Variants in CDH12 observed in about 807,000 individuals in gnomAD.
The protein encoded by CDH12 is cadherin-12.
Under a neutral mutation model 74.1 loss-of-function variants are expected in CDH12, and 41 were observed. The ratio of observed to expected loss-of-function variants is 0.55; its 90% CI spans 0.43 to 0.72. CDH12 has a LOEUF of 0.72. Among genes scored for constraint, CDH12 ranks in the 30% least tolerant of loss-of-function variants. The probability of loss-of-function intolerance (pLI) is 0.00; values close to 1 mark genes in which losing one functional copy is unlikely to be tolerated. For missense variants in CDH12, 945 were observed against 977.2 expected, an observed-to-expected ratio of 0.97 and a Z score of 0.44; for synonymous variants, 399 against 355.0, an observed-to-expected ratio of 1.12 and a Z score of -1.39.
intron 1 of CDH12, among the ~76,000 whole-genome samples, chr5:22,535,717 T>C (rs1290146382): frequency 6.6e-6 from 1 of 152,170 alleles, no homozygotes; most frequent in Admixed American, 6.5e-5. Context: ...AAATATAAAA[T>C]GGGATGTCCC....
chr5:22,331,569 C>G (rs190355998), intron 3 of CDH12, among the ~76,000 whole-genome samples: 31 of 152,258 alleles, frequency 2.0e-4, no homozygotes, highest in East Asian at 7.7e-4. Context: ...AGGACAGGCA[C>G]AAATAAGCCC....
At chr5:22,027,006 T>C (rs1194774525) in intron 5 of CDH12, among the ~76,000 whole-genome samples, 1 of 152,204 alleles carries the variant, frequency 6.6e-6, no homozygotes, top group Non-Finnish European at 1.5e-5. Context: ...CCTAATTTAT[T>C]GAGAGTTTTT....
At chr5:22,708,877 A>G (rs939492768) in intron 1 of CDH12, among the ~76,000 whole-genome samples, 2 of 152,274 alleles carry the variant, frequency 1.3e-5, no homozygotes, top group East Asian at 1.9e-4. Flanking sequence ...TGAAGCATCC[A>G]TGAGCGGGAA....
intron 1 of CDH12, among the ~76,000 whole-genome samples, chr5:22,633,108 A>T (rs1489608564): frequency 1.3e-5 from 2 of 152,182 alleles, no homozygotes; most frequent in East Asian, 3.8e-4. Context: ...AGTAAAATGA[A>T]CCTTTCAAAA....
At chr5:22,634,962 A>G (rs1437378182) in intron 1 of CDH12, among the ~76,000 whole-genome samples, 2 of 147,864 alleles carry the variant, frequency 1.4e-5, no homozygotes, top group East Asian at 4.2e-4. Context: ...AATCTCTACC[A>G]AAATCACAGT....
intron 3 of CDH12, among the ~76,000 whole-genome samples, chr5:22,349,802 T>TC (rs1348683149): frequency 6.6e-6 from 1 of 152,214 alleles, no homozygotes; most frequent in African/African-American, 2.4e-5. Context: ...TGGCGCAATC[T>TC]CGGCTCACTG....
intron 1 of CDH12, among the ~76,000 whole-genome samples, chr5:22,533,512 C>T (rs373884427): frequency 1.3e-5 from 2 of 152,180 alleles, no homozygotes; most frequent in Admixed American, 6.5e-5. Flanking sequence ...TTAAATCTAT[C>T]AGGAACCTCA....
At chr5:22,252,197 C>T (rs1753160278) in intron 3 of CDH12, among the ~76,000 whole-genome samples, 1 of 151,756 alleles carries the variant, frequency 6.6e-6, no homozygotes, top group African/African-American at 2.4e-5. Context: ...ATAAATACTA[C>T]AGAAGGGATT....
intron 3 of CDH12, among the ~76,000 whole-genome samples, chr5:22,329,060 A>G (rs1290491553): frequency 2.0e-5 from 3 of 152,218 alleles, no homozygotes; most frequent in African/African-American, 7.2e-5. Context: ...GGATCTCAAC[A>G]CTGAGTAATT....
chr5:22,093,089 CA>C (rs1475724779), intron 4 of CDH12, among the ~76,000 whole-genome samples: 1 of 152,052 alleles, frequency 6.6e-6, no homozygotes, highest in East Asian at 1.9e-4. Flanking sequence ...GTGGTTTACA[CA>C]AATGATGTTA....
chr5:22,197,513 G>T (rs1163117267), intron 4 of CDH12, among the ~76,000 whole-genome samples: 1 of 152,048 alleles, frequency 6.6e-6, no homozygotes, highest in Admixed American at 6.6e-5. Flanking sequence ...GGTAGATTTT[G>T]CCAGAGAGTA....
intron 3 of CDH12, among the ~76,000 whole-genome samples, chr5:22,326,365 A>G (rs1739104399): frequency 6.6e-6 from 1 of 151,984 alleles, no homozygotes; most frequent in Non-Finnish European, 1.5e-5. Flanking sequence ...CCTCCCGAGT[A>G]GCTGGGACTA....
intron 3 of CDH12, among the ~76,000 whole-genome samples, chr5:22,236,232 C>A (rs146110846): frequency 1.2e-3 from 180 of 152,296 alleles, no homozygotes; most frequent in African/African-American, 4.1e-3. Context: ...ACTAAATATT[C>A]TTCTTCTTTA....
chr5:22,025,782 G>T lies in CDH12; in HGVS notation c.232-50397C>A, dbSNP rs188217066. On this transcript the variant is annotated intron_variant, in intron 5 of 14. Transcript: ENST00000382254. ...AATGTAATATTCTAAATTCTTTATT[G>T]TCATTTCAACAATGTTCACAGCTTC... is the stretch of plus-strand genomic sequence containing the variant. 2.6e-4 allele frequency among the ~76,000 whole-genome samples: 39 copies of T among 152,056 alleles called. No individual in the cohort carries two copies. The East Asian group carries it at 7.1e-3, about 28-fold the overall frequency.
chr5:22,093,659 C>T (rs1224111426), intron 4 of CDH12, among the ~76,000 whole-genome samples: 1 of 152,006 alleles, frequency 6.6e-6, no homozygotes, highest in Non-Finnish European at 1.5e-5. Flanking sequence ...GGGGTTCCTT[C>T]TTGGGCGAAT....
At chr5:22,039,826 G>A (rs1293242793) in intron 5 of CDH12, among the ~76,000 whole-genome samples, 1 of 151,932 alleles carries the variant, frequency 6.6e-6, no homozygotes, top group African/African-American at 2.4e-5. Flanking sequence ...AAAAGTGAAA[G>A]TCTTTATCTG....
At chr5:21,999,477 C>G (rs1435938791) in intron 5 of CDH12, among the ~76,000 whole-genome samples, 20 of 152,178 alleles carry the variant, frequency 1.3e-4, no homozygotes, top group Admixed American at 1.3e-3. Flanking sequence ...ACTATTTTCA[C>G]AAGAAATATG....
At chr5:22,214,737 G>A (rs1416844641) in intron 3 of CDH12, among the ~76,000 whole-genome samples, 1 of 152,164 alleles carries the variant, frequency 6.6e-6, no homozygotes, top group African/African-American at 2.4e-5. Context: ...TAAAACAGGT[G>A]CACACGAAAC....
At chr5:21,761,742 TATAGATAGATAG>T (rs5866522) in intron 12 of CDH12, among the ~76,000 whole-genome samples, 7 of 147,346 alleles carry the variant, frequency 4.8e-5, no homozygotes, top group Admixed American at 6.8e-5. Context: ...GATGGATAGA[TATAGATAGATAG>T]ATAGATAGAT....
Sources: allele counts gnomAD v4.1 joint callset (sites outside exome capture counted in the v4.1 genomes callset), GRCh38; gene constraint gnomAD v4.1.1; transcripts MANE v1.5; gene names NCBI Gene and HGNC (gene_info 2026-07-23, HGNC 2026-07-21).